The following IQCH variants were observed in gnomAD, a reference collection of about 807,000 sequenced individuals.
IQCH encodes IQ domain-containing protein H.
In IQCH, 98 loss-of-function variants were observed where a neutral mutation model predicts 117.0. The ratio of observed to expected loss-of-function variants is 0.84; its 90% CI spans 0.71 to 0.99. IQCH has a LOEUF of 0.99. Ranked by LOEUF, IQCH falls within the 50% of genes least tolerant of loss-of-function variation. The probability of loss-of-function intolerance (pLI) is 0.00; values close to 1 mark genes in which losing one functional copy is unlikely to be tolerated. For synonymous variants in IQCH, 412 were observed against 448.2 expected (o/e 0.92, Z 1.02); for missense variants, 1,102 against 1,243.8 (o/e 0.89, Z 1.72).
intron 13 of IQCH, 105 bp from the exon 14 acceptor site, chr15:67,400,004 GACCAT>G: frequency 1.3e-6 from 1 of 766,562 alleles, no homozygotes. Context: ...CAAATGAACA[GACCAT>G]TAGAAGTAAA....
rs1055036763 is a variant in IQCH at position 67,385,130 on chromosome 15, G to C, written c.1456+111G>C. The C allele has an allele frequency of 4.7e-6, 3 of 631,720 alleles. No individual in the cohort carries two copies. In the South Asian group the frequency reaches 6.4e-5, roughly 13 times the overall value. The allele number at this position is 631,720 out of a possible 1,614,324, so 39.1% of individuals were successfully genotyped here. ...TTTGCTTATTTTTTTCCTCTACAAGGAAAAAGCTCAGATGTTTAATCTACT... is the reference window on the plus strand; with the variant it reads ...TTTGCTTATTTTTTTCCTCTACAAGCAAAAAGCTCAGATGTTTAATCTACT... On this transcript the variant is annotated intron_variant, in intron 11 of 20. Transcript: ENST00000335894. The surrounding 1 kb of genome is among the most constrained non-coding windows in gnomAD (Gnocchi z 4.6).
chr15:67,299,608 T>C (rs1482800630), intron 4 of IQCH, among the ~76,000 whole-genome samples: 2 of 152,158 alleles, frequency 1.3e-5, no homozygotes, highest in Admixed American at 6.6e-5. Context: ...AAAAAAATTT[T>C]AATGTCAATT....
rs1365485497 is a variant in IQCH at position 67,400,109 on chromosome 15, C to T, written c.1906-5C>T. The T allele has an allele frequency of 6.2e-7, 1 of 1,612,498 alleles. No homozygotes were observed. The highest frequency in any genetic ancestry group is 1.3e-5 in the African/African-American group (1 of 74,902). ...TTAAATGCAGCTGTGTCTTTGGCCT[C>T]ACAGATGATAGAGCAGCTGAGTCAG... is the stretch of plus-strand genomic sequence containing the variant. On this transcript the variant is annotated splice_polypyrimidine_tract_variant and splice_region_variant and intron_variant, in intron 13 of 20. Transcript: ENST00000335894.
At chr15:67,302,627 G>A (rs1365901323) in intron 4 of IQCH, among the ~76,000 whole-genome samples, 1 of 152,204 alleles carries the variant, frequency 6.6e-6, no homozygotes, top group Non-Finnish European at 1.5e-5. Context: ...GGGAGGCTAA[G>A]GCAGGTGGAT....
chr15:67,437,338 G>A (rs145179578), intron 16 of IQCH, among the ~76,000 whole-genome samples: 57 of 152,314 alleles, frequency 3.7e-4, no homozygotes, highest in Middle Eastern at 3.4e-3. Flanking sequence ...ACAGGAAGCT[G>A]CATCCATAGG....
At chr15:67,497,799 T>C (rs959739738) in intron 20 of IQCH, among the ~76,000 whole-genome samples, 1 of 152,090 alleles carries the variant, frequency 6.6e-6, no homozygotes, top group Non-Finnish European at 1.5e-5. Context: ...CAGGAATAAA[T>C]TTAACAGAAG....
intron 4 of IQCH, chr15:67,281,957 T>G (rs981406728): frequency 6.2e-5 from 22 of 355,690 alleles, no homozygotes; most frequent in Non-Finnish European, 1.2e-4. Context: ...CTTGTTACAT[T>G]GGGTCTGTCA....
At chr15:67,334,792 T>C (rs1968820054) in intron 4 of IQCH, among the ~76,000 whole-genome samples, 1 of 152,232 alleles carries the variant, frequency 6.6e-6, no homozygotes, top group African/African-American at 2.4e-5. Flanking sequence ...AATTACTCCC[T>C]CTTCTATACT....
intron 4 of IQCH, among the ~76,000 whole-genome samples, chr15:67,291,625 A>G (rs914783361): frequency 6.6e-6 from 1 of 152,206 alleles, no homozygotes; most frequent in Non-Finnish European, 1.5e-5. Context: ...GATTTTTGAC[A>G]TTATGTGGCA....
chr15:67,304,493 T>A, intron 4 of IQCH: 1 of 1,029,338 alleles, frequency 9.7e-7, no homozygotes. Flanking sequence ...CTTATTTTTT[T>A]AAGAAATAAA....
At chr15:67,349,283 A>G (rs1370012484) in intron 6 of IQCH, among the ~76,000 whole-genome samples, 2 of 152,198 alleles carry the variant, frequency 1.3e-5, no homozygotes, top group South Asian at 2.1e-4. Flanking sequence ...AAAATTAAAC[A>G]TTTATACTCT....
chr15:67,349,439 T>G (rs1969551260), intron 6 of IQCH, among the ~76,000 whole-genome samples: 1 of 151,978 alleles, frequency 6.6e-6, no homozygotes, highest in African/African-American at 2.4e-5. Flanking sequence ...GCCAACATGG[T>G]GAAACCCCGT....
rs189742330 is a variant in IQCH at position 67,417,435 on chromosome 15, A to G, written c.2218+384A>G. On this transcript the variant is annotated intron_variant, in intron 15 of 20. Coordinates refer to ENST00000335894, the MANE Select transcript of IQCH (RefSeq NM_001031715.3). The surrounding 1 kb of genome is among the most constrained non-coding windows in gnomAD (Gnocchi z 4.3). The stretch of plus-strand genomic sequence containing the variant: ...CCTTACAGGGTCATTGGGTGGATTC[A>G]ATGAAATACAGATATGAAAGTTTCT... 6.6e-6 allele frequency among the ~76,000 whole-genome samples: 1 copy of G among 152,326 alleles called. No individual in the cohort carries two copies. Among genetic ancestry groups the G allele is most frequent in the East Asian group, 1.9e-4 (1 of 5,186 alleles).
Position 67,373,371 on chromosome 15 carries a change from T to TG in IQCH, c.1312dup (p.Ala438GlyfsTer46). The TG allele has an allele frequency of 6.2e-7, 1 of 1,610,534 alleles. No individual in the cohort carries two copies. Among genetic ancestry groups the TG allele is most frequent in the Non-Finnish European group, 8.5e-7 (1 of 1,176,986 alleles). On this transcript the variant is annotated frameshift_variant, in exon 10 of 21. Coordinates refer to ENST00000335894, the MANE Select transcript of IQCH (RefSeq NM_001031715.3). LOFTEE classifies it high-confidence loss of function. ...AATGCTCTTCTTGATTTTTAGCATC[T>TG]GGCAGCCAACTGGAATCGCATCAGG...
chr15:67,480,005 C>G (rs2141060146), intron 18 of IQCH, among the ~76,000 whole-genome samples: 1 of 152,300 alleles, frequency 6.6e-6, no homozygotes, highest in Non-Finnish European at 1.5e-5. Context: ...AGAATACCCC[C>G]ACTGACTTCC....
At chr15:67,264,941 A>G (rs1965610795) in intron 3 of IQCH, among the ~76,000 whole-genome samples, 1 of 152,036 alleles carries the variant, frequency 6.6e-6, no homozygotes, top group Non-Finnish European at 1.5e-5. Context: ...TTCAGTGCCT[A>G]TATAGTTGGC....
In IQCH at chr15:67,459,086, C is replaced by T. The variant is rs914126861; in HGVS notation, c.2506-6041C>T. On this transcript the variant is annotated intron_variant, in intron 16 of 20. Transcript: ENST00000335894. The surrounding 1 kb of genome is among the most constrained non-coding windows in gnomAD (Gnocchi z 4.2). ...GTGATTAGTTAAGGAAAGTGTGGCC[C>T]GGAGAGGCAACTTCTTTTGGGTCAC... 2.0e-5 allele frequency among the ~76,000 whole-genome samples: 3 copies of T among 152,284 alleles called. No individual in the cohort carries two copies. Among genetic ancestry groups the T allele is most frequent in the South Asian group, 4.2e-4 (2 of 4,816 alleles).
At chr15:67,446,917 C>A (rs2082404164) in intron 16 of IQCH, among the ~76,000 whole-genome samples, 1 of 152,230 alleles carries the variant, frequency 6.6e-6, no homozygotes, top group Non-Finnish European at 1.5e-5. Flanking sequence ...CCTGGCTTCA[C>A]AGCTCTCTGG....
chr15:67,406,027 A>G lies in IQCH; in HGVS notation c.2097+5722A>G, dbSNP rs1971886629. ...TCAGCTCTTGCAACCCAACTGCCTC[A>G]TATACCTGGTTATGTGCATGGGTGA... On this transcript the variant is annotated intron_variant, in intron 14 of 20. Coordinates refer to ENST00000335894, the MANE Select transcript of IQCH (RefSeq NM_001031715.3). This position sits in a 1 kb window ranked among gnomAD's most constrained non-coding sequence, Gnocchi z 4.5. The G allele has an allele frequency of 1.3e-5, 2 of 152,210 alleles. No individual in the cohort carries two copies. The allele number at this position is 152,210 out of a possible 1,614,324, so 9.4% of individuals were successfully genotyped here.
Sources: allele counts gnomAD v4.1 joint callset (sites outside exome capture counted in the v4.1 genomes callset), GRCh38; gene constraint gnomAD v4.1.1; non-coding constraint Gnocchi (gnomAD v3.1); transcripts MANE v1.5; gene names NCBI Gene and HGNC (gene_info 2026-07-23, HGNC 2026-07-21).